Variants in DDX3X observed in about 807,000 individuals in gnomAD.
DDX3X encodes ATP-dependent RNA helicase DDX3X.
DDX3X carries 4 observed loss-of-function variants against 52.7 expected under a neutral mutation model. The ratio of observed to expected loss-of-function variants is 0.08; its 90% CI spans 0.04 to 0.17. DDX3X has a LOEUF of 0.17. Ranked by LOEUF, DDX3X falls within the 10% of genes least tolerant of loss-of-function variation. The pLI is 1.00. For synonymous variants in DDX3X, 192 were observed against 178.1 expected, an observed-to-expected ratio of 1.08 and a Z score of -0.62; for missense variants, 222 against 548.6, an observed-to-expected ratio of 0.40 and a Z score of 5.95.
intron 1 of DDX3X, chrX:41,335,194 G>C (rs748136370): frequency 9.0e-6 from 1 of 111,529 alleles, no homozygotes; most frequent in East Asian, 2.9e-4. Flanking sequence ...GCTTGCCCCA[G>C]ATTGTCCCTG....
chrX:41,356,715 G>A (rs1383260585), intron 5 of DDX3X, among the ~76,000 whole-genome samples: 2 of 109,425 alleles, frequency 1.8e-5, no homozygotes, highest in Non-Finnish European at 3.8e-5. Flanking sequence ...TGCCCGCCTC[G>A]GCCTCTCAAA....
At chrX:41,359,596 C>CAAAA (rs397895766) in intron 5 of DDX3X, among the ~76,000 whole-genome samples, 1 of 52,562 alleles carries the variant, frequency 1.9e-5, no homozygotes, top group Non-Finnish European at 3.5e-5. Context: ...GATTCCATCT[C>CAAAA]AAAAAAAAAA....
chrX:41,355,178 C>T (rs965792291), downstream of DDX3X, among the ~76,000 whole-genome samples: 2 of 111,287 alleles, frequency 1.8e-5, no homozygotes, highest in Non-Finnish European at 3.8e-5. Context: ...TCCGTTCAGC[C>T]GTTGAAGGAT....
downstream of DDX3X, among the ~76,000 whole-genome samples, chrX:41,353,517 C>T (rs947973062): frequency 2.4e-4 from 25 of 106,284 alleles, no homozygotes; most frequent in African/African-American, 7.9e-4. Context: ...TGGCCCGGCA[C>T]AGTGGCTCAC....
chrX:41,351,041 A>G (rs2063981651), downstream of DDX3X: 1 of 111,968 alleles, frequency 8.9e-6, no homozygotes, highest in Admixed American at 9.5e-5. Context: ...ACATGGCCAT[A>G]TGTATTTTGA....
chrX:41,352,594 T>C (rs537001880), downstream of DDX3X, among the ~76,000 whole-genome samples: 2 of 111,538 alleles, frequency 1.8e-5, no homozygotes, highest in South Asian at 7.5e-4. Flanking sequence ...GTATTGGCAC[T>C]GGGAGATGTA....
In DDX3X at chrX:41,334,197, T is replaced by G. The variant is rs998159828; in HGVS notation, c.-56T>G. The G allele has an allele frequency of 8.7e-7, 1 of 1,150,107 alleles. No homozygotes were observed. Among genetic ancestry groups the G allele is most frequent in the Admixed American group, 2.3e-5 (1 of 43,402 alleles). The allele number at this position is 1,150,107 out of a possible 1,213,427, so 94.8% of individuals were successfully genotyped here. Reference sequence around the variant, plus strand: ...TTCTCCCGTGAGAGGGCCTTCGCGGTGGAACAAACACTCGCTTAGCAGCGG... The same window carrying G: ...TTCTCCCGTGAGAGGGCCTTCGCGGGGGAACAAACACTCGCTTAGCAGCGG... On this transcript the variant is annotated 5_prime_UTR_variant, in exon 1 of 17. Coordinates refer to ENST00000644876, the MANE Select transcript of DDX3X (RefSeq NM_001356.5).
At position 41,344,062 on chromosome X, in the gene DDX3X, C is replaced by T. The variant is rs753360586; in HGVS notation, c.798C>T (p.Tyr266=). 2 of 1,207,304 alleles carry T rather than the reference C, an allele frequency of 1.7e-6. No homozygotes were observed. Among genetic ancestry groups the T allele is most frequent in the South Asian group, 1.8e-5 (1 of 56,081 alleles). Residue 266 remains tyrosine, a synonymous_variant, in exon 9 of 17, where the codon TAC becomes TAT. Coordinates refer to ENST00000644876, the MANE Select transcript of DDX3X (RefSeq NM_001356.5). Reference sequence around the variant, plus strand: ...GAAGGTATGGGCGCCGCAAACAATACCCAATCTCCTTGGTATTAGCACCAA... The same window carrying T: ...GAAGGTATGGGCGCCGCAAACAATATCCAATCTCCTTGGTATTAGCACCAA... ...ENGRYGRRKQ[Y]PISLVLAPTR... is the part of the protein sequence containing the mutation.
chrX:41,334,735 GCGGCACC>G (rs1249217811), intron 1 of DDX3X: 1 of 979,034 alleles, frequency 1.0e-6, no homozygotes, highest in Non-Finnish European at 1.3e-6. Flanking sequence ...GGAGGACCTG[GCGGCACC>G]CGGTGTTTGC....
downstream of DDX3X, chrX:41,351,246 G>A (rs1454913444): frequency 9.0e-6 from 1 of 111,561 alleles, no homozygotes; most frequent in Non-Finnish European, 1.9e-5. Context: ...GCCAAAATTT[G>A]AGGTTATTTC....
upstream of DDX3X, chrX:41,333,900 G>C (rs937618536): frequency 5.6e-6 from 1 of 179,045 alleles, no homozygotes; most frequent in East Asian, 1.1e-4. Context: ...GCTGAGACTA[G>C]GGTTTTAGCG....
chrX:41,360,924 G>T (rs1284694630), intron 5 of DDX3X, among the ~76,000 whole-genome samples: 1 of 109,508 alleles, frequency 9.1e-6, no homozygotes, highest in Non-Finnish European at 1.9e-5. Flanking sequence ...TGTCACCCAG[G>T]CTGGAGTGCA....
intron 5 of DDX3X, among the ~76,000 whole-genome samples, chrX:41,360,509 C>T (rs986533141): frequency 8.3e-5 from 9 of 108,846 alleles, no homozygotes; most frequent in African/African-American, 2.7e-4. Context: ...GTGGCGTAAT[C>T]TCGGCTCACC....
At chrX:41,340,202 C>A (rs2063829998) in intron 3 of DDX3X, 1 of 112,324 alleles carries the variant, frequency 8.9e-6, no homozygotes, top group African/African-American at 3.2e-5. Context: ...AGCCACCATG[C>A]CTGGCTGGCA....
In DDX3X at chrX:41,347,647, T is replaced by C; in HGVS notation, c.1917T>C (p.Tyr639=). The C allele has an allele frequency of 8.4e-7, 1 of 1,194,699 alleles. No homozygotes were observed. Among genetic ancestry groups the C allele is most frequent in the Non-Finnish European group, 1.1e-6 (1 of 883,340 alleles). ...TTTTAAATCTCTCATTAGGTGGCTATGGAGGCTTTTACAACAGTGATGGAT... is the reference window on the plus strand; with the variant it reads ...TTTTAAATCTCTCATTAGGTGGCTACGGAGGCTTTTACAACAGTGATGGAT... ...GSSRGFGGGG[Y]GGFYNSDGYG... The change falls in exon 17 of 17, where the codon TAT becomes TAC. Residue 639 remains tyrosine (Y), a synonymous_variant. Coordinates refer to ENST00000644876, the MANE Select transcript of DDX3X (RefSeq NM_001356.5).
At chrX:41,343,011 A>G in intron 6 of DDX3X, 175 bp downstream of exon 6, 3 of 580,169 alleles carry the variant, frequency 5.2e-6, no homozygotes, top group Non-Finnish European at 8.1e-6. Context: ...CTAAAATAGA[A>G]AATGGGTCAA....
chrX:41,336,213 C>G (rs1432336916), intron 1 of DDX3X: 1 of 111,926 alleles, frequency 8.9e-6, no homozygotes, highest in East Asian at 2.8e-4. Flanking sequence ...GTGACTTGGT[C>G]TTTTGTGGCT....
At chrX:41,345,579 C>T in intron 12 of DDX3X, 31 bp downstream of exon 12, 2 of 1,142,753 alleles carry the variant, frequency 1.8e-6, no homozygotes, top group Non-Finnish European at 2.4e-6. Context: ...TTTTATTAGA[C>T]ATGGGGGTTT....
intron 3 of DDX3X, chrX:41,341,124 T>TA (rs1161079344): frequency 6.2e-6 from 1 of 160,788 alleles, no homozygotes; most frequent in Non-Finnish European, 1.2e-5. Flanking sequence ...TAGCTGGGAT[T>TA]ACAGACGTGG....
Sources: allele counts gnomAD v4.1 joint callset (sites outside exome capture counted in the v4.1 genomes callset), GRCh38; gene constraint gnomAD v4.1.1; transcripts MANE v1.5; gene names NCBI Gene and HGNC (gene_info 2026-07-23, HGNC 2026-07-21).